The following KIF16B variants were observed in gnomAD, a reference collection of about 807,000 sequenced individuals.
KIF16B encodes the protein kinesin family member 16B.
A neutral mutation model predicts 156.3 loss-of-function variants in KIF16B; 98 were observed. The ratio of observed to expected loss-of-function variants is 0.63; its 90% CI spans 0.53 to 0.74. The LOEUF is 0.74. KIF16B is among the 30% of genes least tolerant of loss of function. KIF16B has a pLI of 0.00. For synonymous variants in KIF16B, 564 were observed against 583.7 expected (o/e 0.97, Z 0.49); for missense variants, 1,421 against 1,606.5 (o/e 0.88, Z 1.97).
intron 1 of KIF16B, among the ~76,000 whole-genome samples, chr20:16,530,110 A>G (rs902857567): frequency 3.9e-5 from 6 of 152,188 alleles, no homozygotes; most frequent in African/African-American, 1.4e-4. Context: ...ATTTTCCACT[A>G]AAATAAGTCA....
chr20:16,325,881 T>C (rs2063839122), intron 24 of KIF16B, among the ~76,000 whole-genome samples: 1 of 151,988 alleles, frequency 6.6e-6, no homozygotes, highest in African/African-American at 2.4e-5. Context: ...AGGTGTCACT[T>C]TACCCAACTT....
At chr20:16,452,652 A>G (rs961624397) in intron 12 of KIF16B, among the ~76,000 whole-genome samples, 1 of 151,928 alleles carries the variant, frequency 6.6e-6, no homozygotes, top group African/African-American at 2.4e-5. Context: ...TGGCTAACAC[A>G]GTGGAACCCC....
rs745923425 is a variant in KIF16B at position 16,550,528 on chromosome 20, CTTTTTTTTTTT to C, written c.48-22099_48-22089del. Among the ~76,000 whole-genome samples the C allele has an allele frequency of 3.9e-5, 4 of 103,500 alleles. No individual in the cohort carries two copies. The East Asian group carries it at 9.5e-4, about 24-fold the overall frequency. 67.9% of individuals were successfully genotyped at this position (103,500 alleles called of 152,430 possible). On this transcript the variant is annotated intron_variant, in intron 1 of 25. Transcript: ENST00000354981. The stretch of plus-strand genomic sequence containing the variant: ...AGCTTGTTAAAACACATGAAACATT[CTTTTTTTTTTT>C]TTTTTTTTTTTTGACACAGGGTTCA...
chr20:16,554,548 A>G (rs903366737), intron 1 of KIF16B, among the ~76,000 whole-genome samples: 1 of 152,136 alleles, frequency 6.6e-6, no homozygotes, highest in Non-Finnish European at 1.5e-5. Flanking sequence ...TTTCCCATGT[A>G]CCTTATTCTT....
At chr20:16,363,897 T>TA (rs1474499062) in intron 22 of KIF16B, among the ~76,000 whole-genome samples, 1 of 152,202 alleles carries the variant, frequency 6.6e-6, no homozygotes, top group Non-Finnish European at 1.5e-5. Context: ...TCACAATAGA[T>TA]ATTCTAAGGA....
At chr20:16,361,588 T>C (rs2064553561) in intron 22 of KIF16B, among the ~76,000 whole-genome samples, 4 of 152,164 alleles carry the variant, frequency 2.6e-5, no homozygotes, top group Admixed American at 2.0e-4. Flanking sequence ...GACTTAACAA[T>C]AGCCTGGTGT....
In KIF16B at chr20:16,380,082, C is replaced by G. The variant is rs772647917; in HGVS notation, c.1920G>C (p.Gln640His). The part of the protein sequence containing the change: ...LERMQQEVET[Q>H]RKETEIVQLQ... ...GCTGCACGATTTCTGTCTCCTTGCGCTGGGTCTCCACCTCCTGCTGCATCC... is the reference window on the plus strand; with the variant it reads ...GCTGCACGATTTCTGTCTCCTTGCGGTGGGTCTCCACCTCCTGCTGCATCC... Residue 640 changes from glutamine to histidine, a missense_variant, in exon 19 of 26, where the codon CAG (glutamine) becomes CAC (histidine). Gln to His is a conservative substitution (Grantham distance 24). Coordinates refer to ENST00000354981, the MANE Select transcript of KIF16B (RefSeq NM_024704.5). 8 of 1,541,634 alleles carry G rather than the reference C, an allele frequency of 5.2e-6. No homozygotes were observed. The South Asian group carries it at 7.9e-5, about 15-fold the overall frequency.
At position 16,335,907 on chromosome 20, in the gene KIF16B, T is replaced by C. The variant is rs1365271427; in HGVS notation, c.3711+19A>G. The C allele has an allele frequency of 2.8e-6, 4 of 1,440,942 alleles. No homozygotes were observed. The highest frequency in any genetic ancestry group is 3.9e-6 in the Non-Finnish European group (4 of 1,030,930). 89.3% of individuals were successfully genotyped at this position (1,440,942 alleles called of 1,614,324 possible). On this transcript the variant is annotated intron_variant, in intron 24 of 25. Coordinates refer to ENST00000354981, the MANE Select transcript of KIF16B (RefSeq NM_024704.5). The stretch of plus-strand genomic sequence containing the variant: ...TAAAATGAATGCTCTTAATCGGAGA[T>C]AATAATTTCATAACTTACCTCTGCA...
At chr20:16,401,997 T>G (rs558226726) in intron 17 of KIF16B, among the ~76,000 whole-genome samples, 6 of 152,238 alleles carry the variant, frequency 3.9e-5, no homozygotes, top group Admixed American at 3.9e-4. Context: ...TCAAACCCCT[T>G]CCAATTGCCA....
intron 12 of KIF16B, among the ~76,000 whole-genome samples, chr20:16,459,560 C>T (rs1170130531): frequency 6.6e-6 from 1 of 152,144 alleles, no homozygotes; most frequent in Admixed American, 6.5e-5. Context: ...GAACTCAGTC[C>T]AGGTCTTTGG....
chr20:16,294,524 C>G (rs190498988), intron 25 of KIF16B, among the ~76,000 whole-genome samples: 2 of 152,174 alleles, frequency 1.3e-5, no homozygotes, highest in African/African-American at 4.8e-5. Context: ...CCATGCAGGA[C>G]GGGAGGCAGG....
At chr20:16,460,224 G>A (rs1422765732) in intron 12 of KIF16B, among the ~76,000 whole-genome samples, 1 of 152,198 alleles carries the variant, frequency 6.6e-6, no homozygotes, top group Non-Finnish European at 1.5e-5. Context: ...TTGGCCTAAA[G>A]TTTCTCCTCG....
At chr20:16,478,130 A>T (rs1305488100) in intron 12 of KIF16B, among the ~76,000 whole-genome samples, 2 of 152,214 alleles carry the variant, frequency 1.3e-5, no homozygotes, top group Non-Finnish European at 2.9e-5. Flanking sequence ...GAGGCTGAGG[A>T]TATTAAATAC....
intron 1 of KIF16B, among the ~76,000 whole-genome samples, chr20:16,557,761 T>C (rs543518627): frequency 1.5e-4 from 23 of 152,316 alleles, no homozygotes; most frequent in African/African-American, 5.5e-4. Flanking sequence ...CTGTTTGGCC[T>C]GCATGGTTTC....
chr20:16,451,667 C>G (rs1002895934), intron 12 of KIF16B, among the ~76,000 whole-genome samples: 47 of 152,130 alleles, frequency 3.1e-4, no homozygotes, highest in African/African-American at 1.1e-3. Context: ...ACTAAAGCAA[C>G]ATTAAACCAA....
intron 1 of KIF16B, among the ~76,000 whole-genome samples, chr20:16,552,749 C>G (rs1316600034): frequency 6.6e-6 from 1 of 152,182 alleles, no homozygotes; most frequent in East Asian, 1.9e-4. Flanking sequence ...TTTCTGATAG[C>G]TAAGGAAATA....
rs540178423 is a variant in KIF16B at position 16,417,605 on chromosome 20, C to T, written c.1612+9499G>A. Reference sequence around the variant, plus strand: ...AAAAAACAATCAACAAATGTTTATACTGAGATAACAAAAAGCTCCAATAAA... The same window carrying T: ...AAAAAACAATCAACAAATGTTTATATTGAGATAACAAAAAGCTCCAATAAA... On this transcript the variant is annotated intron_variant, in intron 15 of 25. Coordinates refer to ENST00000354981, the MANE Select transcript of KIF16B (RefSeq NM_024704.5). 3.9e-5 allele frequency among the ~76,000 whole-genome samples: 6 copies of T among 152,058 alleles called. No individual in the cohort carries two copies. The South Asian group carries it at 1.0e-3, about 26-fold the overall frequency.
At chr20:16,389,124 A>C (rs2065302102) in intron 17 of KIF16B, among the ~76,000 whole-genome samples, 1 of 152,150 alleles carries the variant, frequency 6.6e-6, no homozygotes. Context: ...ATGATCAGAC[A>C]AGGAAAAACT....
chr20:16,546,772 A>ATTAT (rs1335826766), intron 1 of KIF16B, among the ~76,000 whole-genome samples: 4 of 152,046 alleles, frequency 2.6e-5, no homozygotes, highest in South Asian at 2.1e-4. Flanking sequence ...TTTTTATTTA[A>ATTAT]TTATTTATTT....
Sources: allele counts gnomAD v4.1 joint callset (sites outside exome capture counted in the v4.1 genomes callset), GRCh38; gene constraint gnomAD v4.1.1; transcripts MANE v1.5; gene names NCBI Gene and HGNC (gene_info 2026-07-23, HGNC 2026-07-21).